The following PLXNC1 variants were observed in gnomAD, a reference collection of about 807,000 sequenced individuals.
PLXNC1 encodes the protein plexin C1.
Under a neutral mutation model 178.2 loss-of-function variants are expected in PLXNC1, and 75 were observed. The observed-to-expected ratio is 0.42, with a 90% CI of 0.35 to 0.51. PLXNC1 has a LOEUF of 0.51. Among genes scored for constraint, PLXNC1 ranks in the 20% least tolerant of loss-of-function variants. PLXNC1 has a pLI of 0.02. For synonymous variants in PLXNC1, 790 were observed against 779.9 expected, an observed-to-expected ratio of 1.01 and a Z score of -0.22; for missense variants, 1,503 against 1,984.4, an observed-to-expected ratio of 0.76 and a Z score of 4.61.
chr12:94,266,865 T>G (rs1965273422), intron 21 of PLXNC1, among the ~76,000 whole-genome samples: 1 of 152,254 alleles, frequency 6.6e-6, no homozygotes, highest in African/African-American at 2.4e-5. Flanking sequence ...CATTGAACCC[T>G]TGTTTAAAAT....
Position 94,270,099 on chromosome 12 carries a change from C to T in PLXNC1, c.3597+4874C>T, listed in dbSNP as rs539700019. Reference sequence around the variant, plus strand: ...GTTAGGATCATTATTTATATTTGTACCCCTCAGAGAATGGTAAATTTTATC... The same window carrying T: ...GTTAGGATCATTATTTATATTTGTATCCCTCAGAGAATGGTAAATTTTATC... On this transcript the variant is annotated intron_variant, in intron 21 of 30. Transcript: ENST00000258526. Among the ~76,000 whole-genome samples the T allele has an allele frequency of 5.3e-5, 8 of 152,206 alleles. No homozygotes were observed. In the South Asian group the frequency reaches 6.2e-4, roughly 12 times the overall value.
At chr12:94,278,041 C>T (rs1202501657) in intron 21 of PLXNC1, 2 of 456,100 alleles carry the variant, frequency 4.4e-6, no homozygotes, top group East Asian at 6.9e-5. Flanking sequence ...GGGACCTCCT[C>T]TTTCGGCTTT....
chr12:94,268,063 G>A (rs975815928), intron 21 of PLXNC1, among the ~76,000 whole-genome samples: 2 of 152,124 alleles, frequency 1.3e-5, no homozygotes, highest in East Asian at 1.9e-4. Flanking sequence ...GCATCCTCAC[G>A]AACCACTTGA....
intron 4 of PLXNC1, among the ~76,000 whole-genome samples, chr12:94,205,121 GTT>G (rs1176128298): frequency 6.6e-6 from 1 of 152,110 alleles, no homozygotes; most frequent in East Asian, 1.9e-4. Context: ...GCCTAACAGA[GTT>G]GGCTTCTCAA....
chr12:94,188,889 T>A (rs1393958620), intron 4 of PLXNC1, among the ~76,000 whole-genome samples: 1 of 152,230 alleles, frequency 6.6e-6, no homozygotes, highest in African/African-American at 2.4e-5. Context: ...CTGTGTGGTG[T>A]CTTCTCCTAT....
intron 4 of PLXNC1, among the ~76,000 whole-genome samples, chr12:94,189,336 G>A (rs1455593109): frequency 6.6e-6 from 1 of 152,186 alleles, no homozygotes; most frequent in Non-Finnish European, 1.5e-5. Context: ...GATAGGGGTA[G>A]GGATGTGAAA....
intron 9 of PLXNC1, among the ~76,000 whole-genome samples, chr12:94,236,229 C>T (rs1325134502): frequency 6.6e-6 from 1 of 152,224 alleles, no homozygotes; most frequent in Non-Finnish European, 1.5e-5. Context: ...TGTCATGTTA[C>T]ATCATTGCTG....
intron 1 of PLXNC1, among the ~76,000 whole-genome samples, chr12:94,152,061 T>C (rs1960979729): frequency 6.6e-6 from 1 of 152,236 alleles, no homozygotes; most frequent in Non-Finnish European, 1.5e-5. Flanking sequence ...ACTCCCAGTG[T>C]GCTCAGAGCT....
At chr12:94,227,389 T>C (rs1292876883) in intron 9 of PLXNC1, 154 bp downstream of exon 9, 1 of 559,808 alleles carries the variant, frequency 1.8e-6, no homozygotes, top group Non-Finnish European at 3.2e-6. Context: ...CAAGTTTCAC[T>C]TAATTAGCGC....
intron 4 of PLXNC1, among the ~76,000 whole-genome samples, chr12:94,195,797 G>T (rs1962893250): frequency 6.6e-6 from 1 of 152,222 alleles, no homozygotes; most frequent in South Asian, 2.1e-4. Flanking sequence ...CCTGTGGTCA[G>T]TCTTCCTATC....
Position 94,294,549 on chromosome 12 carries a change from T to C in PLXNC1, c.3934+9T>C. The C allele has an allele frequency of 8.5e-7, 1 of 1,170,142 alleles. No individual in the cohort carries two copies. Among genetic ancestry groups the C allele is most frequent in the Non-Finnish European group, 1.3e-6 (1 of 788,138 alleles). The allele number at this position is 1,170,142 out of a possible 1,614,324, so 72.5% of individuals were successfully genotyped here. On this transcript the variant is annotated intron_variant, in intron 24 of 30. Coordinates refer to ENST00000258526, the MANE Select transcript of PLXNC1 (RefSeq NM_005761.3). The stretch of plus-strand genomic sequence containing the variant: ...AGCAAATTTTACTTCAGGTAACCAA[T>C]ATAATATTGTTAACCTTTTGTTCTC...
intron 20 of PLXNC1, chr12:94,262,609 C>T (rs1266839880): frequency 5.1e-6 from 5 of 985,330 alleles, no homozygotes; most frequent in East Asian, 2.3e-4. Context: ...AGCCAGTCGG[C>T]GATACTTTCA....
chr12:94,156,078 T>G (rs2135921717), intron 1 of PLXNC1, among the ~76,000 whole-genome samples: 1 of 152,392 alleles, frequency 6.6e-6, no homozygotes, highest in South Asian at 2.1e-4. Flanking sequence ...TCAACCTTTC[T>G]GTGCCTCAGT....
intron 9 of PLXNC1, chr12:94,227,535 C>A: frequency 3.7e-6 from 1 of 267,098 alleles, no homozygotes; most frequent in Non-Finnish European, 7.3e-6. Context: ...GGAAGTTTAG[C>A]ATTCCATCTG....
chr12:94,265,337 C>T, intron 21 of PLXNC1, 112 bp downstream of exon 21: 1 of 927,072 alleles, frequency 1.1e-6, no homozygotes, highest in South Asian at 2.0e-5. Context: ...GCGGGAGGCC[C>T]TGTGTGTTTA....
chr12:94,255,712 A>G (rs565913757), intron 17 of PLXNC1, among the ~76,000 whole-genome samples: 4 of 152,324 alleles, frequency 2.6e-5, no homozygotes, highest in South Asian at 4.1e-4. Context: ...TTACTTCTCA[A>G]TTGGAAAGGA....
At chr12:94,164,746 C>G (rs1365301342) in intron 1 of PLXNC1, among the ~76,000 whole-genome samples, 1 of 151,900 alleles carries the variant, frequency 6.6e-6, no homozygotes, top group Admixed American at 6.6e-5. Flanking sequence ...GAGCTTTGGT[C>G]CCAGTTTGCT....
intron 2 of PLXNC1, among the ~76,000 whole-genome samples, chr12:94,176,092 C>T (rs1192189563): frequency 6.6e-6 from 1 of 152,124 alleles, no homozygotes; most frequent in Non-Finnish European, 1.5e-5. Context: ...ACATCGTGCC[C>T]AAGGATTGTG....
At chr12:94,164,357 T>TTGCTTGG (rs1236677255) in intron 1 of PLXNC1, among the ~76,000 whole-genome samples, 1 of 152,198 alleles carries the variant, frequency 6.6e-6, no homozygotes, top group Non-Finnish European at 1.5e-5. Flanking sequence ...CACTTGACTC[T>TTGCTTGG]TGCTTGGTGC....
Sources: allele counts gnomAD v4.1 joint callset (sites outside exome capture counted in the v4.1 genomes callset), GRCh38; gene constraint gnomAD v4.1.1; transcripts MANE v1.5; gene names NCBI Gene and HGNC (gene_info 2026-07-23, HGNC 2026-07-21).